TMTC3: variants seen among roughly 807,000 people sequenced by gnomAD.
The protein encoded by TMTC3 is transmembrane O-mannosyltransferase targeting cadherins 3.
A neutral mutation model predicts 92.2 loss-of-function variants in TMTC3; 52 were observed. The ratio of observed to expected loss-of-function variants is 0.56; its 90% CI spans 0.45 to 0.71. The LOEUF is 0.71. Ranked by LOEUF, TMTC3 falls within the 30% of genes least tolerant of loss-of-function variation. The probability of loss-of-function intolerance (pLI) is 0.00; values close to 1 mark genes in which losing one functional copy is unlikely to be tolerated. For synonymous variants in TMTC3, 339 were observed against 363.3 expected, an observed-to-expected ratio of 0.93 and a Z score of 0.76; for missense variants, 896 against 1,057.1, an observed-to-expected ratio of 0.85 and a Z score of 2.11.
chr12:88,147,181 C>T (rs2040886374), intron 1 of TMTC3, among the ~76,000 whole-genome samples: 1 of 151,894 alleles, frequency 6.6e-6, no homozygotes, highest in African/African-American at 2.4e-5. Context: ...ATTGCAAGTA[C>T]TCTAAAAATT....
At chr12:88,161,236 G>A (rs1310868386) in intron 6 of TMTC3, among the ~76,000 whole-genome samples, 6 of 151,964 alleles carry the variant, frequency 3.9e-5, no homozygotes, top group East Asian at 3.9e-4. Context: ...TGTTTTGTGC[G>A]TTTTTGAAGC....
intron 1 of TMTC3, among the ~76,000 whole-genome samples, chr12:88,144,486 C>T (rs1350349405): frequency 2.0e-5 from 3 of 151,806 alleles, no homozygotes; most frequent in East Asian, 1.9e-4. Flanking sequence ...TCTTTTCTAC[C>T]CTTCTGCCAC....
chr12:88,164,539 T>C (rs571996606), intron 6 of TMTC3, among the ~76,000 whole-genome samples: 1 of 152,218 alleles, frequency 6.6e-6, no homozygotes, highest in South Asian at 2.1e-4. Flanking sequence ...TATACAGTTT[T>C]TTAGTTGTTT....
chr12:88,160,055 T>G, intron 4 of TMTC3, 59 bp from the exon 5 acceptor site: 2 of 1,144,828 alleles, frequency 1.7e-6, no homozygotes, highest in Non-Finnish European at 2.5e-6. Flanking sequence ...TAAAATATCT[T>G]TTTTTGATAT....
At chr12:88,184,468 CAAG>C (rs912087182) in intron 10 of TMTC3, among the ~76,000 whole-genome samples, 2 of 152,224 alleles carry the variant, frequency 1.3e-5, no homozygotes, top group Non-Finnish European at 1.5e-5. Flanking sequence ...CCTGGCCTTC[CAAG>C]AAGGTTTGCA....
intron 7 of TMTC3, among the ~76,000 whole-genome samples, chr12:88,172,353 G>GA (rs1282209438): frequency 6.6e-6 from 1 of 151,776 alleles, no homozygotes; most frequent in African/African-American, 2.4e-5. Flanking sequence ...TTAACTTTTA[G>GA]AATTCAAGAT....
intron 2 of TMTC3, among the ~76,000 whole-genome samples, chr12:88,148,781 A>G (rs560535124): frequency 1.3e-5 from 2 of 151,222 alleles, no homozygotes; most frequent in South Asian, 2.1e-4. Context: ...ACATATGCAG[A>G]TTTGTCACGT....
At chr12:88,151,138 T>C (rs969157405) in intron 2 of TMTC3, among the ~76,000 whole-genome samples, 2 of 146,100 alleles carry the variant, frequency 1.4e-5, no homozygotes, top group African/African-American at 2.5e-5. Flanking sequence ...TTATTTTGTG[T>C]GTGTGTGTTT....
chr12:88,184,024 C>T (rs963320243), intron 10 of TMTC3, among the ~76,000 whole-genome samples: 4 of 152,012 alleles, frequency 2.6e-5, no homozygotes, highest in Admixed American at 6.6e-5. Flanking sequence ...CTTCCTCACA[C>T]GGGGCACCAC....
chr12:88,169,031 G>T (rs1325711156), intron 7 of TMTC3, among the ~76,000 whole-genome samples: 1 of 152,168 alleles, frequency 6.6e-6, no homozygotes, highest in Non-Finnish European at 1.5e-5. Context: ...AGAAATTCTT[G>T]TTTTATGGCT....
chr12:88,193,160 A>G (rs2041463235), intron 13 of TMTC3, among the ~76,000 whole-genome samples: 1 of 152,106 alleles, frequency 6.6e-6, no homozygotes, highest in African/African-American at 2.4e-5. Context: ...TCTCCAAATA[A>G]TATGAACTTG....
In TMTC3 at chr12:88,194,996, C is replaced by A. The variant is rs1387760039; in HGVS notation, c.2092C>A (p.Gln698Lys). 4 of 1,613,790 alleles carry A rather than the reference C, an allele frequency of 2.5e-6. No individual in the cohort carries two copies. Among genetic ancestry groups the A allele is most frequent in the Non-Finnish European group, 3.4e-6 (4 of 1,179,890 alleles). The change falls in exon 14 of 14, where the codon CAA becomes AAA. Residue 698 changes from glutamine to lysine, a missense_variant. Gln to Lys is a moderately conservative substitution (Grantham distance 53). Coordinates refer to ENST00000266712, the MANE Select transcript of TMTC3 (RefSeq NM_181783.4). ...TTGGATGAAGAAAGCCATAAAGTTA[C>A]AAGCCGACTTCCGAAGTGCTTTGTT... ...EIWMKKAIKL[Q>K]ADFRSALFNL...
intron 8 of TMTC3, 169 bp downstream of exon 8, chr12:88,172,914 G>C (rs980635201): frequency 1.3e-6 from 2 of 1,502,494 alleles, no homozygotes; most frequent in Non-Finnish European, 1.8e-6. Flanking sequence ...AAGCTCCATG[G>C]CACCTACTTA....
intron 13 of TMTC3, among the ~76,000 whole-genome samples, chr12:88,193,931 A>G (rs570804625): frequency 6.6e-6 from 1 of 151,850 alleles, no homozygotes; most frequent in Admixed American, 6.6e-5. Context: ...CTCAATGGAG[A>G]TTTGTTTCCT....
rs1330728963 is a variant in TMTC3, at chr12:88,197,523, T to TATC, written c.*1876_*1878dup. The TATC allele has an allele frequency of 2.6e-5, 4 of 152,288 alleles. No homozygotes were observed. The highest frequency in any genetic ancestry group is 9.7e-5 in the African/African-American group (4 of 41,422). The allele number at this position is 152,288 out of a possible 1,614,324, so 9.4% of individuals were successfully genotyped here. On this transcript the variant is annotated 3_prime_UTR_variant, in exon 14 of 14. Coordinates refer to ENST00000266712, the MANE Select transcript of TMTC3 (RefSeq NM_181783.4). ...GAGTGTGATCTCTCTTTTGCCATAG[T>TATC]ATCAAGTGGAGGGTAGTTCAGAAAA...
intron 4 of TMTC3, among the ~76,000 whole-genome samples, chr12:88,157,194 C>G (rs971139400): frequency 5.9e-5 from 9 of 151,730 alleles, no homozygotes; most frequent in African/African-American, 2.2e-4. Context: ...ATTTTAAATT[C>G]TAATTGAAAA....
intron 9 of TMTC3, among the ~76,000 whole-genome samples, chr12:88,175,991 C>T (rs950946123): frequency 6.6e-6 from 1 of 152,064 alleles, no homozygotes; most frequent in African/African-American, 2.4e-5. Flanking sequence ...TAATATATAA[C>T]GTGAATGAAA....
At position 88,195,896 on chromosome 12, in the gene TMTC3, C is replaced by G; in HGVS notation, c.*247C>G. The stretch of plus-strand genomic sequence containing the variant: ...TACAGCGGAAGTGACAAATTTACAA[C>G]TTTTATTATAGAAAGAAGGTGTTTC... On this transcript the variant is annotated 3_prime_UTR_variant, in exon 14 of 14. Coordinates refer to ENST00000266712, the MANE Select transcript of TMTC3 (RefSeq NM_181783.4). 3.4e-6 allele frequency: 1 copy of G among 293,774 alleles called. No individual in the cohort carries two copies. The highest frequency in any genetic ancestry group is 5.5e-5 in the East Asian group (1 of 18,136). The allele number at this position is 293,774 out of a possible 1,614,324, so 18.2% of individuals were successfully genotyped here. A position where few individuals can be genotyped will look rare whatever the true frequency, so the allele number is the denominator to read the frequency against.
In TMTC3 at chr12:88,194,984, G is replaced by T. The variant is rs2041492078; in HGVS notation, c.2080G>T (p.Ala694Ser). Residue 694 changes from alanine (A) to serine (S), a missense_variant, in exon 14 of 14, where the codon GCC (alanine) becomes TCC (serine). Ala to Ser is a moderately conservative substitution (Grantham distance 99). Coordinates refer to ENST00000266712, the MANE Select transcript of TMTC3 (RefSeq NM_181783.4). ...TGAAGCAGAGATTTGGATGAAGAAA[G>T]CCATAAAGTTACAAGCCGACTTCCG... Reference protein sequence around the residue: ...DNEAEIWMKKAIKLQADFRSA... With the variant: ...DNEAEIWMKKSIKLQADFRSA... 3 of 1,613,752 alleles carry T rather than the reference G, an allele frequency of 1.9e-6. No homozygotes were observed. The highest frequency in any genetic ancestry group is 2.5e-6 in the Non-Finnish European group (3 of 1,179,870).
Sources: allele counts gnomAD v4.1 joint callset (sites outside exome capture counted in the v4.1 genomes callset), GRCh38; gene constraint gnomAD v4.1.1; transcripts MANE v1.5; gene names NCBI Gene and HGNC (gene_info 2026-07-23, HGNC 2026-07-21).